ARMC9: variants seen among roughly 807,000 people sequenced by gnomAD.
ARMC9 encodes armadillo repeat containing 9, also known as lisH domain-containing protein ARMC9.
In ARMC9, 94 loss-of-function variants were observed where a neutral mutation model predicts 107.0. That is an observed-to-expected ratio of 0.88 (90% CI 0.74 to 1.04). ARMC9 has a LOEUF of 1.04. Among genes scored for constraint, ARMC9 ranks in the 50% least tolerant of loss-of-function variants. The pLI is 0.00. For missense variants in ARMC9, 942 were observed against 1,030.1 expected (o/e 0.91, Z 1.17); for synonymous variants, 380 against 396.9 (o/e 0.96, Z 0.51).
At chr2:231,357,447 C>T (rs1332184524) in intron 22 of ARMC9, among the ~76,000 whole-genome samples, 2 of 152,228 alleles carry the variant, frequency 1.3e-5, no homozygotes, top group South Asian at 4.1e-4. Flanking sequence ...ACCCAGGACA[C>T]GGACCCACGC....
rs374755844 is a variant in ARMC9, at chr2:231,359,072, G to A, written c.2132-1682G>A. Reference sequence around the variant, plus strand: ...CTAGCTCCTGGCTGTCTTAGTTAGGGGGGTCTCCTGTTTTTTTTTTTTTTT... The same window carrying A: ...CTAGCTCCTGGCTGTCTTAGTTAGGAGGGTCTCCTGTTTTTTTTTTTTTTT... On this transcript the variant is annotated intron_variant, in intron 22 of 24. Transcript: ENST00000611582. Among the ~76,000 whole-genome samples, 421 of 143,706 alleles carry A rather than the reference G, an allele frequency of 2.9e-3. 1 individual carries two copies. Among genetic ancestry groups the A allele is most frequent in the African/African-American group, 0.012 (399 of 34,210 alleles). The allele number at this position is 143,706 out of a possible 152,430, so 94.3% of individuals were successfully genotyped here.
chr2:231,325,370 A>G (rs1451380946), intron 19 of ARMC9, among the ~76,000 whole-genome samples: 2 of 152,204 alleles, frequency 1.3e-5, no homozygotes, highest in African/African-American at 2.4e-5. Flanking sequence ...GGATAAAGAA[A>G]CACTTTTGCT....
rs1313692587 is a variant in ARMC9 at position 231,327,640 on chromosome 2, C to T, written c.1774-4153C>T. On this transcript the variant is annotated intron_variant, in intron 19 of 24. Coordinates refer to ENST00000611582, the MANE Select transcript of ARMC9 (RefSeq NM_001352754.2). ...ATGAATAAAGCTGCCATGAAACATT[C>T]ATATACAGATTTTTGTATGCCAACA... 2.6e-5 allele frequency among the ~76,000 whole-genome samples: 4 copies of T among 152,218 alleles called. No homozygotes were observed. In the East Asian group the frequency reaches 7.7e-4, roughly 29 times the overall value.
chr2:231,244,955 G>A (rs1038560132), intron 9 of ARMC9, among the ~76,000 whole-genome samples: 2 of 152,244 alleles, frequency 1.3e-5, no homozygotes, highest in African/African-American at 4.8e-5. Context: ...CACTGACAGA[G>A]CAGCTCACGG....
intron 9 of ARMC9, among the ~76,000 whole-genome samples, chr2:231,241,367 C>T (rs997476130): frequency 1.3e-5 from 2 of 152,102 alleles, no homozygotes; most frequent in African/African-American, 4.8e-5. Flanking sequence ...GGCAGGCATT[C>T]TTAACCAGGA....
intron 5 of ARMC9, among the ~76,000 whole-genome samples, chr2:231,221,070 C>T (rs1273631365): frequency 6.6e-6 from 1 of 152,216 alleles, no homozygotes; most frequent in Non-Finnish European, 1.5e-5. Context: ...TGCCTTAAGA[C>T]AGCAGGCATT....
intron 12 of ARMC9, among the ~76,000 whole-genome samples, chr2:231,264,743 C>T (rs552781468): frequency 9.7e-4 from 144 of 148,048 alleles, no homozygotes; most frequent in African/African-American, 3.4e-3. Flanking sequence ...GTGATCCGCC[C>T]GCCTCAGCCT....
chr2:231,324,255 G>A (rs1275360462), intron 19 of ARMC9, among the ~76,000 whole-genome samples: 1 of 149,418 alleles, frequency 6.7e-6, no homozygotes, highest in Admixed American at 6.8e-5. Context: ...AGCCTCCTGA[G>A]TAGCTGGGAC....
At chr2:231,199,953 C>T (rs1322787151) in intron 1 of ARMC9, among the ~76,000 whole-genome samples, 2 of 152,306 alleles carry the variant, frequency 1.3e-5, no homozygotes, top group East Asian at 3.9e-4. Context: ...CTGCCTCAGC[C>T]TCCCAAAGTG....
intron 7 of ARMC9, among the ~76,000 whole-genome samples, chr2:231,232,669 T>G (rs1307374896): frequency 6.6e-6 from 1 of 151,876 alleles, no homozygotes; most frequent in Non-Finnish European, 1.5e-5. Context: ...CAGACTGGTC[T>G]TGAACTGCTG....
intron 9 of ARMC9, chr2:231,256,008 C>G: frequency 7.6e-7 from 1 of 1,314,722 alleles, no homozygotes; most frequent in Non-Finnish European, 1.0e-6. Context: ...CCACTGCTCT[C>G]CAGCCTGGGT....
At chr2:231,366,738 G>A (rs1352393807) in intron 23 of ARMC9, among the ~76,000 whole-genome samples, 1 of 151,536 alleles carries the variant, frequency 6.6e-6, no homozygotes, top group Non-Finnish European at 1.5e-5. Flanking sequence ...CTACTCGGGA[G>A]GCTGAGGCAG....
intron 12 of ARMC9, among the ~76,000 whole-genome samples, chr2:231,267,757 TC>T (rs2038981017): frequency 6.6e-6 from 1 of 152,218 alleles, no homozygotes; most frequent in Non-Finnish European, 1.5e-5. Context: ...TGGGCTCGTT[TC>T]ACCAGTCATT....
intron 1 of ARMC9, among the ~76,000 whole-genome samples, chr2:231,201,107 G>A (rs1201596261): frequency 6.6e-6 from 1 of 152,184 alleles, no homozygotes; most frequent in East Asian, 1.9e-4. Flanking sequence ...GGATGGATTG[G>A]AGGCATGGTC....
At chr2:231,331,703 G>A in intron 19 of ARMC9, 90 bp from the exon 20 acceptor site, 2 of 1,171,112 alleles carry the variant, frequency 1.7e-6, no homozygotes, top group Non-Finnish European at 2.5e-6. Context: ...AGGCCTTCTT[G>A]TTTCATGACA....
chr2:231,323,514 C>T (rs1384700319), intron 19 of ARMC9, among the ~76,000 whole-genome samples: 3 of 152,138 alleles, frequency 2.0e-5, no homozygotes, highest in Non-Finnish European at 4.4e-5. Flanking sequence ...CCCTTCCCAC[C>T]TCAACTAGCG....
At chr2:231,293,333 G>A (rs113458348) in intron 18 of ARMC9, among the ~76,000 whole-genome samples, 8 of 152,110 alleles carry the variant, frequency 5.3e-5, no homozygotes, top group African/African-American at 7.2e-5. Context: ...GTGTGGGGGC[G>A]GAGGATTGTT....
chr2:231,350,921 A>G (rs1293924318), intron 21 of ARMC9, among the ~76,000 whole-genome samples: 4 of 130,022 alleles, frequency 3.1e-5, no homozygotes, highest in African/African-American at 1.2e-4. Context: ...TCCTGCAGCC[A>G]TCCTATTTGC....
In ARMC9 at chr2:231,375,739, A is replaced by G. The variant is rs985485961; in HGVS notation, c.*4204A>G. ...AAAATTAGCAAAAAGTCAGGGCTAC[A>G]GAGCCCTATCCAGAGTCGTCATCTT... is the stretch of plus-strand genomic sequence containing the variant. On this transcript the variant is annotated 3_prime_UTR_variant, in exon 25 of 25. Transcript: ENST00000611582. This position sits in a 1 kb window ranked among gnomAD's most constrained non-coding sequence, Gnocchi z 4.3. Among the ~76,000 whole-genome samples, 1 of 152,348 alleles carries G rather than the reference A, an allele frequency of 6.6e-6. No individual in the cohort carries two copies. The highest frequency in any genetic ancestry group is 2.4e-5 in the African/African-American group (1 of 41,578).
Sources: gnomAD v4.1 joint callset for allele counts (sites outside exome capture counted in the v4.1 genomes callset) on GRCh38, gnomAD v4.1.1 for gene constraint, Gnocchi (gnomAD v3.1) non-coding constraint, MANE v1.5 for transcripts, NCBI Gene and HGNC (gene_info 2026-07-23, HGNC 2026-07-21) for gene names.